Variants in EPM2A observed in about 807,000 individuals in gnomAD.
EPM2A encodes the protein EPM2A glucan phosphatase, laforin.
Under a neutral mutation model 26.5 loss-of-function variants are expected in EPM2A, and 21 were observed. The observed-to-expected ratio is 0.79, with a 90% CI of 0.56 to 1.14. The LOEUF (loss-of-function observed/expected upper bound fraction) is 1.14, where lower values mean the gene tolerates loss of function less well. Ranked by LOEUF, EPM2A falls within the 50% of genes most tolerant of loss-of-function variation. The pLI is 0.00. For synonymous variants in EPM2A, 217 were observed against 177.6 expected (o/e 1.22, Z -1.76); for missense variants, 458 against 440.8 (o/e 1.04, Z -0.35).
chr6:145,414,453 A>G (rs1582736799), intron 4 of EPM2A, among the ~76,000 whole-genome samples: 1 of 152,196 alleles, frequency 6.6e-6, no homozygotes, highest in African/African-American at 2.4e-5. Flanking sequence ...TAAAGAAATT[A>G]TCTTCAAAAC....
chr6:145,635,247 T>A lies in EPM2A; in HGVS notation c.716A>T (p.Glu239Val), dbSNP rs769651661. The change falls in exon 3 of 4, where the codon GAA becomes GTA. Residue 239 changes from glutamate (E) to valine (V), a missense_variant and splice_region_variant. Coordinates refer to ENST00000367519, the MANE Select transcript of EPM2A (RefSeq NM_005670.4). ...GGCAGAACAGTTCTGATCCTTACCT[T>A]CGGTGCTCATATCTGGTGTTGGCAT... ...IWMPTPDMST[E>V]GRVQMLPQAV... 4 of 1,614,174 alleles carry A rather than the reference T, an allele frequency of 2.5e-6. No homozygotes were observed. In the Admixed American group the frequency reaches 6.7e-5, roughly 27 times the overall value.
chr6:145,718,588 G>T (rs886078572), intron 1 of EPM2A, among the ~76,000 whole-genome samples: 1 of 152,076 alleles, frequency 6.6e-6, no homozygotes, highest in Non-Finnish European at 1.5e-5. Context: ...AACACCAAAA[G>T]CAATGGCAAC....
chr6:145,479,644 A>C (rs1779588839), intron 4 of EPM2A, among the ~76,000 whole-genome samples: 1 of 151,962 alleles, frequency 6.6e-6, no homozygotes, highest in Non-Finnish European at 1.5e-5. Flanking sequence ...CATTTTGTTT[A>C]CCTTTTCATA....
intron 4 of EPM2A, among the ~76,000 whole-genome samples, chr6:145,424,703 C>T (rs1211732643): frequency 1.3e-5 from 2 of 152,100 alleles, no homozygotes; most frequent in Non-Finnish European, 2.9e-5. Context: ...GGGGCCATCA[C>T]GTGTGGAATT....
intron 2 of EPM2A, among the ~76,000 whole-genome samples, chr6:145,570,889 G>C (rs1372277306): frequency 6.6e-6 from 1 of 152,022 alleles, no homozygotes; most frequent in Non-Finnish European, 1.5e-5. Flanking sequence ...TGATATTCTG[G>C]GTCAATCACC....
intron 2 of EPM2A, among the ~76,000 whole-genome samples, chr6:145,574,662 G>C (rs1488783541): frequency 6.6e-6 from 1 of 152,126 alleles, no homozygotes; most frequent in Non-Finnish European, 1.5e-5. Flanking sequence ...TAAGCCTTTG[G>C]ATCCCTTCCT....
intron 4 of EPM2A, among the ~76,000 whole-genome samples, chr6:145,487,282 A>T (rs570583885): frequency 1.3e-5 from 2 of 152,234 alleles, no homozygotes; most frequent in East Asian, 3.9e-4. Flanking sequence ...TGTTGTTGTG[A>T]ATATTGCTAC....
At chr6:145,576,784 T>G (rs1055700587) in intron 2 of EPM2A, among the ~76,000 whole-genome samples, 2 of 152,010 alleles carry the variant, frequency 1.3e-5, no homozygotes, top group Non-Finnish European at 2.9e-5. Context: ...ATTCATATAT[T>G]TAGTGTAAAG....
At chr6:145,735,173 G>A in intron 1 of EPM2A, 25 bp downstream of exon 1, 3 of 1,463,060 alleles carry the variant, frequency 2.1e-6, no homozygotes, top group Non-Finnish European at 9.1e-7. Context: ...GCTCTGCGCC[G>A]GGGGCAGGCG....
intron 2 of EPM2A, among the ~76,000 whole-genome samples, chr6:145,612,475 G>T (rs1775411822): frequency 6.6e-6 from 1 of 151,908 alleles, no homozygotes; most frequent in South Asian, 2.1e-4. Flanking sequence ...TAACAATTAT[G>T]CTTTATTCTT....
intron 2 of EPM2A, among the ~76,000 whole-genome samples, chr6:145,510,114 G>A (rs1485623150): frequency 6.6e-6 from 1 of 150,724 alleles, no homozygotes; most frequent in Non-Finnish European, 1.5e-5. Context: ...AAAAAAAAAA[G>A]ACTTAACGCA....
downstream of EPM2A, among the ~76,000 whole-genome samples, chr6:145,620,365 C>G (rs1025496756): frequency 1.3e-5 from 2 of 152,158 alleles, no homozygotes; most frequent in African/African-American, 4.8e-5. Flanking sequence ...GGCAGTAAAG[C>G]TCACTGACCT....
intron 2 of EPM2A, among the ~76,000 whole-genome samples, chr6:145,568,523 A>G (rs183419324): frequency 6.6e-6 from 1 of 152,194 alleles, no homozygotes; most frequent in East Asian, 1.9e-4. Context: ...CGGTTTCTCC[A>G]GGTTGACCAG....
At chr6:145,417,469 T>G (rs1179572634) in intron 4 of EPM2A, among the ~76,000 whole-genome samples, 2 of 152,198 alleles carry the variant, frequency 1.3e-5, no homozygotes, top group Non-Finnish European at 2.9e-5. Context: ...GGGGCTAAAA[T>G]TCTATTCAGT....
At chr6:145,583,557 C>A (rs1398797201) in intron 2 of EPM2A, among the ~76,000 whole-genome samples, 1 of 152,204 alleles carries the variant, frequency 6.6e-6, no homozygotes, top group Non-Finnish European at 1.5e-5. Context: ...TCCCAGTCCA[C>A]TAGCCCCAAC....
intron 4 of EPM2A, among the ~76,000 whole-genome samples, chr6:145,405,082 G>T (rs1778548735): frequency 6.6e-6 from 1 of 152,206 alleles, no homozygotes; most frequent in Non-Finnish European, 1.5e-5. Context: ...GCTCTGCACT[G>T]ATGGCCATTT....
At chr6:145,620,420 G>A (rs1775608674), downstream of EPM2A, among the ~76,000 whole-genome samples, 1 of 152,150 alleles carries the variant, frequency 6.6e-6, no homozygotes, top group African/African-American at 2.4e-5. Flanking sequence ...ACAGGCCATG[G>A]ACCACTACTG....
chr6:145,700,787 A>G (rs896694540), intron 1 of EPM2A, among the ~76,000 whole-genome samples: 1 of 152,172 alleles, frequency 6.6e-6, no homozygotes, highest in Non-Finnish European at 1.5e-5. Context: ...TAGTAAGAAC[A>G]TATTTGGCAT....
chr6:145,690,296 G>C (rs1781192871), intron 1 of EPM2A, among the ~76,000 whole-genome samples: 1 of 151,940 alleles, frequency 6.6e-6, no homozygotes, highest in Admixed American at 6.6e-5. Flanking sequence ...GGATCATGAG[G>C]TCAGGAGATC....
Sources: gnomAD v4.1 joint callset for allele counts (sites outside exome capture counted in the v4.1 genomes callset) on GRCh38, gnomAD v4.1.1 for gene constraint, MANE v1.5 for transcripts, NCBI Gene and HGNC (gene_info 2026-07-23, HGNC 2026-07-21) for gene names.